ME3: variants seen among roughly 807,000 people sequenced by gnomAD.
ME3 encodes NADP-dependent malic enzyme, mitochondrial.
In ME3, 48 loss-of-function variants were observed where a neutral mutation model predicts 68.9. The observed-to-expected ratio is 0.70, with a 90% confidence interval of 0.55 to 0.89. ME3 has a LOEUF of 0.89. ME3 is among the 40% of genes least tolerant of loss of function. The pLI, the probability that ME3 is intolerant of heterozygous loss-of-function variation, is 0.00. For synonymous variants in ME3, 320 were observed against 318.8 expected (o/e 1.00, Z -0.04); for missense variants, 675 against 797.4 (o/e 0.85, Z 1.85).
At chr11:86,670,037 G>A (rs1434514327) in intron 2 of ME3, among the ~76,000 whole-genome samples, 1 of 152,154 alleles carries the variant, frequency 6.6e-6, no homozygotes, top group East Asian at 1.9e-4. Flanking sequence ...CAAGCCAGAT[G>A]GTGTGGGTGG....
chr11:86,558,787 C>G (rs756114997), intron 3 of ME3, among the ~76,000 whole-genome samples: 1 of 152,232 alleles, frequency 6.6e-6, no homozygotes, highest in Non-Finnish European at 1.5e-5. Context: ...GTTCTCAGCA[C>G]ATCACAAATA....
intron 2 of ME3, among the ~76,000 whole-genome samples, chr11:86,565,829 A>G (rs931570840): frequency 6.6e-6 from 1 of 151,958 alleles, no homozygotes; most frequent in South Asian, 2.1e-4. Flanking sequence ...TGCTGGGGAG[A>G]GAGATGGGGA....
At chr11:86,629,879 A>G (rs975408827) in intron 2 of ME3, among the ~76,000 whole-genome samples, 9 of 152,186 alleles carry the variant, frequency 5.9e-5, no homozygotes, top group African/African-American at 1.4e-4. Flanking sequence ...TTGGATGTAA[A>G]TAACAGTCTA....
chr11:86,645,015 C>G (rs1464580226), intron 2 of ME3, among the ~76,000 whole-genome samples: 1 of 152,160 alleles, frequency 6.6e-6, no homozygotes, highest in Non-Finnish European at 1.5e-5. Flanking sequence ...CCATGAGAGA[C>G]GAAGCTATGT....
At chr11:86,603,268 C>CTTTG (rs1377073278) in intron 2 of ME3, among the ~76,000 whole-genome samples, 3 of 151,004 alleles carry the variant, frequency 2.0e-5, no homozygotes, top group South Asian at 4.2e-4. Flanking sequence ...AACAAACAAC[C>CTTTG]CCATCAAAAA....
At chr11:86,533,616 G>A (rs1426772878) in intron 4 of ME3, among the ~76,000 whole-genome samples, 1 of 152,110 alleles carries the variant, frequency 6.6e-6, no homozygotes, top group African/African-American at 2.4e-5. Context: ...AAAAGAGGAG[G>A]AAATACTTCC....
At chr11:86,546,058 A>G (rs1956341646) in intron 4 of ME3, among the ~76,000 whole-genome samples, 1 of 152,246 alleles carries the variant, frequency 6.6e-6, no homozygotes, top group Admixed American at 6.5e-5. Flanking sequence ...AAAACAAGCA[A>G]TGGGGAAAGG....
intron 4 of ME3, among the ~76,000 whole-genome samples, chr11:86,535,196 C>A (rs923024075): frequency 6.6e-6 from 1 of 152,294 alleles, no homozygotes; most frequent in Admixed American, 6.5e-5. Flanking sequence ...ATTTTCTCTG[C>A]TCCTTACTAC....
chr11:86,524,852 T>A (rs1409467182), intron 4 of ME3, among the ~76,000 whole-genome samples: 1 of 152,186 alleles, frequency 6.6e-6, no homozygotes, highest in Admixed American at 6.5e-5. Flanking sequence ...CAGATGCAAT[T>A]AAGCAGGGGG....
exon 12 of ME3, chr11:86,447,107 G>T: frequency 5.0e-6 from 8 of 1,614,224 alleles, no homozygotes; most frequent in Non-Finnish European, 6.8e-6. Flanking sequence ...ACTCGGCCTT[G>T]CTGGTGGGGT....
chr11:86,450,079 G>T, intron 9 of ME3, 77 bp from the exon 10 acceptor site: 1 of 1,252,650 alleles, frequency 8.0e-7, no homozygotes, highest in Non-Finnish European at 1.1e-6. Context: ...CTTGCCATAA[G>T]GACCCCCTTT....
chr11:86,544,860 G>C (rs923394743), intron 4 of ME3, among the ~76,000 whole-genome samples: 5 of 152,090 alleles, frequency 3.3e-5, no homozygotes, highest in African/African-American at 1.2e-4. Flanking sequence ...AACACAAAAA[G>C]AATTTTTCAG....
At chr11:86,524,604 T>C (rs545391546) in intron 4 of ME3, among the ~76,000 whole-genome samples, 99 of 152,332 alleles carry the variant, frequency 6.5e-4, no homozygotes, top group African/African-American at 2.4e-3. Flanking sequence ...TATCCTGAAG[T>C]AATTTGTAAG....
chr11:86,509,398 T>TCTCA (rs1445490012), intron 4 of ME3, among the ~76,000 whole-genome samples: 1 of 144,544 alleles, frequency 6.9e-6, no homozygotes, highest in Non-Finnish European at 1.6e-5. Flanking sequence ...TACTCCATCA[T>TCTCA]CACACACACA....
chr11:86,575,734 A>G (rs781364315), intron 2 of ME3, among the ~76,000 whole-genome samples: 2 of 152,206 alleles, frequency 1.3e-5, no homozygotes, highest in Non-Finnish European at 2.9e-5. Flanking sequence ...TCTATTTGTG[A>G]GTCTGTTCTC....
intron 2 of ME3, among the ~76,000 whole-genome samples, chr11:86,565,776 C>T (rs1957450992): frequency 6.6e-6 from 1 of 152,222 alleles, no homozygotes; most frequent in East Asian, 1.9e-4. Context: ...TCTTTTCATT[C>T]TCTTGGCAGT....
intron 5 of ME3, among the ~76,000 whole-genome samples, chr11:86,503,698 T>TAGGC (rs1411668712): frequency 3.3e-5 from 5 of 152,160 alleles, no homozygotes; most frequent in African/African-American, 9.7e-5. Flanking sequence ...GCATGATAGG[T>TAGGC]AGGCACTTGG....
At chr11:86,541,193 C>G (rs546976473) in intron 4 of ME3, among the ~76,000 whole-genome samples, 2 of 152,268 alleles carry the variant, frequency 1.3e-5, no homozygotes, top group African/African-American at 4.8e-5. Flanking sequence ...CCCTAGGTTT[C>G]AAGCACAAAA....
At chr11:86,450,955 ACTT>A (rs1949598977) in intron 8 of ME3, among the ~76,000 whole-genome samples, 1 of 152,196 alleles carries the variant, frequency 6.6e-6, no homozygotes. Context: ...CTGCTACATG[ACTT>A]CTTCTCCCTG....
Sources: allele counts gnomAD v4.1 joint callset (sites outside exome capture counted in the v4.1 genomes callset), GRCh38; gene constraint gnomAD v4.1.1; transcripts MANE v1.5; gene names NCBI Gene and HGNC (gene_info 2026-07-23, HGNC 2026-07-21).